Variants in GABRG3 observed in about 807,000 individuals in gnomAD.
The protein encoded by GABRG3 is gamma-aminobutyric acid type A receptor subunit gamma3.
Under a neutral mutation model 48.8 loss-of-function variants are expected in GABRG3, and 25 were observed. That is an observed-to-expected ratio of 0.51 (90% CI 0.37 to 0.72). The LOEUF (loss-of-function observed/expected upper bound fraction) is 0.72, where lower values mean the gene tolerates loss of function less well. Ranked by LOEUF, GABRG3 falls within the 30% of genes least tolerant of loss-of-function variation. GABRG3 has a pLI of 0.00. For missense variants in GABRG3, 394 were observed against 577.9 expected (o/e 0.68, Z 3.26); for synonymous variants, 227 against 217.6 (o/e 1.04, Z -0.38).
At chr15:27,012,263 A>G (rs1295697598) in intron 2 of GABRG3, among the ~76,000 whole-genome samples, 3 of 152,134 alleles carry the variant, frequency 2.0e-5, no homozygotes, top group Non-Finnish European at 2.9e-5. Flanking sequence ...TGTTTCTTAT[A>G]AGGTGTCAGC....
intron 5 of GABRG3, chr15:27,349,999 G>T: frequency 2.3e-5 from 9 of 392,650 alleles, no homozygotes; most frequent in Admixed American, 2.7e-5. Flanking sequence ...ACTCACTTCT[G>T]GCTACTTAAA....
At chr15:27,338,583 C>CCATGCAT (rs1466297889) in intron 5 of GABRG3, among the ~76,000 whole-genome samples, 1 of 152,146 alleles carries the variant, frequency 6.6e-6, no homozygotes, top group East Asian at 1.9e-4. Context: ...GAAAGATTCT[C>CCATGCAT]CATGCATCGC....
chr15:27,286,045 C>T (rs762348901), intron 3 of GABRG3, among the ~76,000 whole-genome samples: 1 of 152,162 alleles, frequency 6.6e-6, no homozygotes, highest in African/African-American at 2.4e-5. Flanking sequence ...ACTAAGTAAT[C>T]ATGGGGATCG....
chr15:27,461,427 A>C (rs1274590159), intron 5 of GABRG3, among the ~76,000 whole-genome samples: 1 of 152,182 alleles, frequency 6.6e-6, no homozygotes, highest in Non-Finnish European at 1.5e-5. Context: ...CTCTGACTTC[A>C]AGAATGAAGC....
intron 3 of GABRG3, among the ~76,000 whole-genome samples, chr15:27,115,421 GT>G (rs987694593): frequency 6.6e-6 from 1 of 152,186 alleles, no homozygotes; most frequent in African/African-American, 2.4e-5. Flanking sequence ...TGGTCAGGAT[GT>G]TTTAGTACTC....
At chr15:27,306,679 TATATATGA>T (rs1566768798) in intron 3 of GABRG3, among the ~76,000 whole-genome samples, 6 of 80,666 alleles carry the variant, frequency 7.4e-5, no homozygotes, top group African/African-American at 2.8e-4. Flanking sequence ...TATATAAACA[TATATATGA>T]ACATGTTTAT....
chr15:27,163,977 G>A (rs1285481724), intron 3 of GABRG3, among the ~76,000 whole-genome samples: 1 of 152,172 alleles, frequency 6.6e-6, no homozygotes, highest in African/African-American at 2.4e-5. Flanking sequence ...TCAGTTACGG[G>A]GGGATGGAAG....
At chr15:27,158,855 A>G (rs953559324) in intron 3 of GABRG3, among the ~76,000 whole-genome samples, 2 of 152,178 alleles carry the variant, frequency 1.3e-5, no homozygotes, top group Non-Finnish European at 2.9e-5. Flanking sequence ...TACCACCTGA[A>G]TATTTATTTA....
At chr15:26,971,684 C>G (rs1383611456) in intron 1 of GABRG3, 96 bp downstream of exon 1, 2 of 1,356,182 alleles carry the variant, frequency 1.5e-6, no homozygotes, top group South Asian at 3.2e-5. Context: ...CGCCAGCCGT[C>G]GGCTGGGCTG....
At chr15:27,252,947 G>A (rs1027360432) in intron 3 of GABRG3, among the ~76,000 whole-genome samples, 1 of 152,198 alleles carries the variant, frequency 6.6e-6, no homozygotes, top group Non-Finnish European at 1.5e-5. Flanking sequence ...GCTTACTTGA[G>A]GTCCATTTGC....
intron 5 of GABRG3, among the ~76,000 whole-genome samples, chr15:27,418,576 C>T (rs1451212512): frequency 6.6e-6 from 1 of 152,196 alleles, no homozygotes; most frequent in Admixed American, 6.5e-5. Context: ...CAGGCACATT[C>T]CAATGGCCCC....
At chr15:26,979,395 G>A (rs1264867377) in intron 2 of GABRG3, among the ~76,000 whole-genome samples, 1 of 152,140 alleles carries the variant, frequency 6.6e-6, no homozygotes, top group Non-Finnish European at 1.5e-5. Context: ...CAGCAGTGGT[G>A]TGAATGGACA....
intron 3 of GABRG3, among the ~76,000 whole-genome samples, chr15:27,276,614 G>T (rs1187046447): frequency 6.6e-6 from 1 of 152,134 alleles, no homozygotes; most frequent in Non-Finnish European, 1.5e-5. Context: ...AGAGAGTTGG[G>T]AATGGGAATG....
In GABRG3 at chr15:27,252,983, C is replaced by T. The variant is rs983169870; in HGVS notation, c.271-73826C>T. ...TTTGACCAAAAAAGAGCCTTGGCCC[C>T]GACACCAGCCCAGGTCTCAGATGGT... On this transcript the variant is annotated intron_variant, in intron 3 of 9. Coordinates refer to ENST00000615808, the MANE Select transcript of GABRG3 (RefSeq NM_033223.5). 2.6e-5 allele frequency among the ~76,000 whole-genome samples: 4 copies of T among 152,214 alleles called. No individual in the cohort carries two copies. In the South Asian group the frequency reaches 6.2e-4, roughly 24 times the overall value.
chr15:27,297,719 G>A (rs1892046456), intron 3 of GABRG3, among the ~76,000 whole-genome samples: 1 of 152,078 alleles, frequency 6.6e-6, no homozygotes, highest in Admixed American at 6.6e-5. Context: ...TGACTATATA[G>A]TTGCTTTCCT....
At chr15:26,989,192 G>A (rs1895203490) in intron 2 of GABRG3, among the ~76,000 whole-genome samples, 1 of 152,092 alleles carries the variant, frequency 6.6e-6, no homozygotes, top group Admixed American at 6.5e-5. Context: ...CTGGTTTCTT[G>A]AATGTTTTCA....
intron 5 of GABRG3, chr15:27,365,075 A>G (rs1895146987): frequency 6.6e-6 from 1 of 152,016 alleles, no homozygotes. Flanking sequence ...GTTTGGTTTA[A>G]TTTTTGTTCT....
intron 3 of GABRG3, among the ~76,000 whole-genome samples, chr15:27,063,380 G>T (rs922423537): frequency 2.6e-5 from 4 of 152,220 alleles, no homozygotes; most frequent in South Asian, 4.1e-4. Context: ...AGTCTCTGAG[G>T]TGGGGCCTGG....
intron 5 of GABRG3, among the ~76,000 whole-genome samples, chr15:27,424,910 G>A (rs758859677): frequency 1.3e-5 from 2 of 152,052 alleles, no homozygotes; most frequent in Non-Finnish European, 2.9e-5. Context: ...TATGAACTAC[G>A]GGGACACATT....
Sources: allele counts gnomAD v4.1 joint callset (sites outside exome capture counted in the v4.1 genomes callset), GRCh38; gene constraint gnomAD v4.1.1; transcripts MANE v1.5; gene names NCBI Gene and HGNC (gene_info 2026-07-23, HGNC 2026-07-21).